VPS4A: variants seen among roughly 807,000 people sequenced by gnomAD.
VPS4A encodes vacuolar protein sorting-associated protein 4A.
VPS4A carries 20 observed loss-of-function variants against 52.3 expected under a neutral mutation model. That is an observed-to-expected ratio of 0.38 (90% confidence interval 0.27 to 0.56). The LOEUF (loss-of-function observed/expected upper bound fraction) is 0.56. Among genes scored for constraint, VPS4A ranks in the 20% least tolerant of loss-of-function variants. VPS4A has a pLI of 0.72. For synonymous variants in VPS4A, 293 were observed against 227.7 expected (o/e 1.29, Z -2.58); for missense variants, 419 against 575.9 (o/e 0.73, Z 2.79).
At chr16:69,318,554 T>A (rs1965466739) in intron 3 of VPS4A, 96 bp from the exon 4 acceptor site, 2 of 1,381,622 alleles carry the variant, frequency 1.4e-6, no homozygotes, top group Admixed American at 4.1e-5. Flanking sequence ...CTTCGTTCCT[T>A]AACCAGTGTG....
intron 5 of VPS4A, 141 bp from the exon 6 acceptor site, chr16:69,319,246 G>C (rs1965479370): frequency 1.6e-6 from 2 of 1,253,472 alleles, no homozygotes; most frequent in Non-Finnish European, 2.2e-6. Context: ...AGGGAATGTA[G>C]CTCCCATCAC....
In VPS4A at chr16:69,319,676, T is replaced by C. The variant is rs1965485916; in HGVS notation, c.620+133T>C. 7 of 1,223,866 alleles carry C rather than the reference T, an allele frequency of 5.7e-6. No individual in the cohort carries two copies. The African/African-American group carries it at 7.6e-5, about 13-fold the overall frequency. 75.8% of individuals were successfully genotyped at this position (1,223,866 alleles called of 1,614,324 possible). A position where few individuals can be genotyped will look rare whatever the true frequency, so the allele number is the denominator to read the frequency against. On this transcript the variant is annotated intron_variant, in intron 6 of 10. Coordinates refer to ENST00000254950, the MANE Select transcript of VPS4A (RefSeq NM_013245.3). ...AGGGTACCCAAGAGCAGTGTGTCGC[T>C]AGCTTATCGGCTGGGACACAGTCCC...
At chr16:69,312,627 T>A (rs922257016) in intron 1 of VPS4A, among the ~76,000 whole-genome samples, 10 of 152,328 alleles carry the variant, frequency 6.6e-5, no homozygotes, top group African/African-American at 2.4e-4. Context: ...TTATTTATTT[T>A]TTTGAGATGG....
chr16:69,319,275 C>T (rs964547143), intron 5 of VPS4A, 112 bp from the exon 6 acceptor site: 15 of 1,461,642 alleles, frequency 1.0e-5, no homozygotes, highest in Admixed American at 6.0e-5. Flanking sequence ...CAGTAGAGTC[C>T]GTTGTTTCAC....
rs1555502923 is a variant in VPS4A at position 69,323,962 on chromosome 16, A to AAAAAG, written c.1213-243_1213-242insAGAAA. Among the ~76,000 whole-genome samples the AAAAAG allele has an allele frequency of 1.5e-4, 23 of 151,218 alleles. 1 individual carries two copies. The highest frequency in any genetic ancestry group is 4.6e-4 in the African/African-American group (19 of 41,250). On this transcript the variant is annotated intron_variant, in intron 10 of 10. Coordinates refer to ENST00000254950, the MANE Select transcript of VPS4A (RefSeq NM_013245.3). ...CCGTCTCCAAAAAAAAAAAAAAAAA[A>AAAAAG]AAAGAAAGCAAGTTCGTAAGGGGAG...
intron 1 of VPS4A, among the ~76,000 whole-genome samples, chr16:69,314,062 T>A (rs1454169821): frequency 2.1e-5 from 3 of 145,848 alleles, no homozygotes; most frequent in Non-Finnish European, 4.5e-5. Flanking sequence ...ACCTCCTGGG[T>A]TCAAGCAATT....
At chr16:69,316,837 G>A (rs1965442921) in intron 3 of VPS4A, among the ~76,000 whole-genome samples, 1 of 152,216 alleles carries the variant, frequency 6.6e-6, no homozygotes, top group Non-Finnish European at 1.5e-5. Context: ...AACAGGTGGG[G>A]CGGCCGGCTC....
chr16:69,319,564 T>C (rs368341078), intron 6 of VPS4A, 21 bp downstream of exon 6: 2 of 1,603,160 alleles, frequency 1.2e-6, no homozygotes, highest in South Asian at 1.1e-5. Flanking sequence ...CACCAGGCCA[T>C]GCTCTGCCAG....
intron 1 of VPS4A, among the ~76,000 whole-genome samples, chr16:69,314,072 T>A (rs1965408301): frequency 6.7e-6 from 1 of 149,282 alleles, no homozygotes; most frequent in African/African-American, 2.5e-5. Flanking sequence ...TTCAAGCAAT[T>A]CTCCTGCCTC....
chr16:69,311,538 T>C lies in VPS4A; in HGVS notation c.21+6T>C. 1 of 1,337,562 alleles carries C rather than the reference T, an allele frequency of 7.5e-7. No homozygotes were observed. The highest frequency in any genetic ancestry group is 9.7e-7 in the Non-Finnish European group (1 of 1,031,194). 82.9% of individuals were successfully genotyped at this position (1,337,562 alleles called of 1,614,324 possible). ...TGACAACGTCAACCCTCCAGGTACTTCGTGCGGCCCGGCCCGACTTCGGAG... is the reference window on the plus strand; with the variant it reads ...TGACAACGTCAACCCTCCAGGTACTCCGTGCGGCCCGGCCCGACTTCGGAG... On this transcript the variant is annotated splice_donor_region_variant and intron_variant, in intron 1 of 10. Transcript: ENST00000254950.
At chr16:69,313,434 A>G (rs1965401045) in intron 1 of VPS4A, among the ~76,000 whole-genome samples, 1 of 151,998 alleles carries the variant, frequency 6.6e-6, no homozygotes, top group South Asian at 2.1e-4. Context: ...CTGGGCAACC[A>G]CTGCTAATCT....
At chr16:69,323,841 T>G (rs1328019649) in intron 10 of VPS4A, 1 of 363,270 alleles carries the variant, frequency 2.8e-6, no homozygotes, top group East Asian at 7.2e-5. Flanking sequence ...TCCCAGCTAT[T>G]TGGGAGGCTG....
At chr16:69,319,642 T>C in intron 6 of VPS4A, 99 bp downstream of exon 6, 1 of 1,462,986 alleles carries the variant, frequency 6.8e-7, no homozygotes, top group Non-Finnish European at 9.2e-7. Context: ...AGTGGTTTGG[T>C]TTTCAGGGAG....
rs35628469 is a variant in VPS4A at position 69,325,390 on chromosome 16, G to A, written c.*1081G>A. The A allele has an allele frequency of 0.098, 14,308 of 145,936 alleles. 947 individuals are homozygous for A. Among genetic ancestry groups the A allele is most frequent in the Middle Eastern group, 0.19 (53 of 286 alleles). The allele number at this position is 145,936 out of a possible 1,614,324, so 9.0% of individuals were successfully genotyped here. A position where few individuals can be genotyped will look rare whatever the true frequency, so the allele number is the denominator to read the frequency against. On this transcript the variant is annotated 3_prime_UTR_variant, in exon 11 of 11. Coordinates refer to ENST00000254950, the MANE Select transcript of VPS4A (RefSeq NM_013245.3). ...TAACATTTAAAAGTCGAGAGTTGCTGGGCGCGGTGGCTCACGCCTGTAATC... is the reference window on the plus strand; with the variant it reads ...TAACATTTAAAAGTCGAGAGTTGCTAGGCGCGGTGGCTCACGCCTGTAATC...
intron 4 of VPS4A, 43 bp from the exon 5 acceptor site, chr16:69,318,780 C>T (rs778001554): frequency 1.2e-6 from 2 of 1,612,280 alleles, no homozygotes; most frequent in Non-Finnish European, 1.7e-6. Context: ...TTGGCTCATG[C>T]CCCTTGGCCG....
At chr16:69,319,048 G>C (rs1047486053) in intron 5 of VPS4A, 106 bp downstream of exon 5, 53 of 1,498,824 alleles carry the variant, frequency 3.5e-5, no homozygotes, top group Admixed American at 2.8e-4. Flanking sequence ...CCCGGGGCCT[G>C]CAGAGGGCCA....
Position 69,311,423 on chromosome 16 carries a change from C to T in VPS4A, c.-89C>T, listed in dbSNP as rs1407584796. Reference sequence around the variant, plus strand: ...GCGCTCAGCGCCCACCGCCGGGCTTCCCGCGCCGGACCCAGTACCTCGGCT... The same window carrying T: ...GCGCTCAGCGCCCACCGCCGGGCTTTCCGCGCCGGACCCAGTACCTCGGCT... On this transcript the variant is annotated 5_prime_UTR_variant, in exon 1 of 11. Transcript: ENST00000254950. 95 of 1,216,158 alleles carry T rather than the reference C, an allele frequency of 7.8e-5. No individual in the cohort carries two copies. Among genetic ancestry groups the T allele is most frequent in the Non-Finnish European group, 9.3e-5 (90 of 966,072 alleles). The allele number at this position is 1,216,158 out of a possible 1,614,324, so 75.3% of individuals were successfully genotyped here.
chr16:69,318,396 G>A lies in VPS4A; in HGVS notation c.282-254G>A, dbSNP rs115986572. On this transcript the variant is annotated intron_variant, in intron 3 of 10. Transcript: ENST00000254950. ...CCCTTACGGCCTTCAGGAGAGGGCC[G>A]ACCCGGATTCCCATCTGCTCCGCGA... Among the ~76,000 whole-genome samples the A allele has an allele frequency of 1.1e-3, 170 of 152,318 alleles. 1 individual carries two copies. The highest frequency in any genetic ancestry group is 3.6e-3 in the African/African-American group (149 of 41,574).
intron 9 of VPS4A, chr16:69,322,229 T>C: frequency 5.6e-6 from 1 of 179,794 alleles, no homozygotes; most frequent in Non-Finnish European, 1.1e-5. Context: ...TCCCACAACA[T>C]GTGGGAATTC....
Sources: gnomAD v4.1 joint callset for allele counts (sites outside exome capture counted in the v4.1 genomes callset) on GRCh38, gnomAD v4.1.1 for gene constraint, MANE v1.5 for transcripts, NCBI Gene and HGNC (gene_info 2026-07-23, HGNC 2026-07-21) for gene names.